The following IER5L variants were observed in gnomAD, a reference collection of about 807,000 sequenced individuals.
IER5L encodes the protein immediate early response 5 like, also known as immediate early response gene 5-like protein.
IER5L carries 6 observed loss-of-function variants against 28.3 expected under a neutral mutation model. The observed-to-expected ratio is 0.21, with a 90% confidence interval of 0.12 to 0.42. IER5L has a LOEUF of 0.42. Ranked by LOEUF, IER5L falls within the 10% of genes least tolerant of loss-of-function variation. IER5L has a pLI of 1.00. For synonymous variants in IER5L, 351 were observed against 282.5 expected (o/e 1.24, Z -2.43); for missense variants, 607 against 575.2 (o/e 1.06, Z -0.56).
rs1281241351 is a variant in IER5L, at chr9:129,177,936, C to G, written c.117G>C (p.Val39=). 1.3e-6 allele frequency: 2 copies of G among 1,576,108 alleles called. No homozygotes were observed. The highest frequency in any genetic ancestry group is 1.4e-5 in the African/African-American group (1 of 73,344). ...KLHKNLLVSY[V]LRNARQLYLS... ...GGTAGAGCTGGCGCGCGTTGCGGAG[C>G]ACGTAGGACACCAGGAGGTTCTTGT... Residue 39 remains valine, a synonymous_variant, in exon 1 of 1, where the codon GTG becomes GTC. Coordinates refer to ENST00000372491, the MANE Select transcript of IER5L (RefSeq NM_203434.3).
Position 129,177,558 on chromosome 9 carries a change from C to A in IER5L, c.495G>T (p.Pro165=), listed in dbSNP as rs1048135292. The change falls in exon 1 of 1, where the codon CCG becomes CCT. Residue 165 remains proline, a synonymous_variant. Transcript: ENST00000372491. Reference sequence around the variant, plus strand: ...GCTGCCCGCGGTGGGGCGCGCCGTGCGGCGGCTGGAGCGCGGCGCACCCGG... The same window carrying A: ...GCTGCCCGCGGTGGGGCGCGCCGTGAGGCGGCTGGAGCGCGGCGCACCCGG... ...ELPGCAALQP[P]HGAPHRGQPL... The A allele has an allele frequency of 7.2e-6, 7 of 976,372 alleles. No homozygotes were observed. Among genetic ancestry groups the A allele is most frequent in the Non-Finnish European group, 8.5e-6 (7 of 827,396 alleles). 60.5% of individuals were successfully genotyped at this position (976,372 alleles called of 1,614,324 possible).
chr9:129,178,231 G>C lies in IER5L; in HGVS notation c.-179C>G. On this transcript the variant is annotated 5_prime_UTR_variant, in exon 1 of 1. Coordinates refer to ENST00000372491, the MANE Select transcript of IER5L (RefSeq NM_203434.3). Reference sequence around the variant, plus strand: ...TGCGCCGCGCGCCACCCGCGGGCTCGCGCTCCCCAGACGGCGCCAAAGCAA... The same window carrying C: ...TGCGCCGCGCGCCACCCGCGGGCTCCCGCTCCCCAGACGGCGCCAAAGCAA... The C allele has an allele frequency of 6.3e-6, 3 of 478,328 alleles. No homozygotes were observed. Among genetic ancestry groups the C allele is most frequent in the South Asian group, 5.7e-5 (1 of 17,684 alleles). 29.6% of individuals were successfully genotyped at this position (478,328 alleles called of 1,614,324 possible).
In IER5L at chr9:129,178,067, G is replaced by A; in HGVS notation, c.-15C>T. 7.1e-7 allele frequency: 1 copy of A among 1,400,812 alleles called. No individual in the cohort carries two copies. Among genetic ancestry groups the A allele is most frequent in the Non-Finnish European group, 9.3e-7 (1 of 1,076,258 alleles). The allele number at this position is 1,400,812 out of a possible 1,614,324, so 86.8% of individuals were successfully genotyped here. The stretch of plus-strand genomic sequence containing the variant: ...GCGCACTCCATGCTCCCGCGGAGAC[G>A]GCGGCGGAGCAGCCGCCGCCGCTGC... On this transcript the variant is annotated 5_prime_UTR_variant, in exon 1 of 1. Transcript: ENST00000372491.
At position 129,178,010 on chromosome 9, in the gene IER5L, G is replaced by T; in HGVS notation, c.43C>A (p.Leu15Met). The T allele has an allele frequency of 6.4e-7, 1 of 1,566,502 alleles. No homozygotes were observed. The highest frequency in any genetic ancestry group is 8.6e-7 in the Non-Finnish European group (1 of 1,157,728). The change falls in exon 1 of 1, where the codon CTG (leucine) becomes ATG (methionine). Residue 15 changes from leucine (L) to methionine (M), a missense_variant. Transcript: ENST00000372491. ...LDAQSLISIS[L>M]RKIHSSRTQR... Reference sequence around the variant, plus strand: ...GTTCGGGAGCTGTGGATCTTGCGCAGGGAGATGCTGATCAGGCTCTGGGCG... The same window carrying T: ...GTTCGGGAGCTGTGGATCTTGCGCATGGAGATGCTGATCAGGCTCTGGGCG...
At position 129,176,689 on chromosome 9, in the gene IER5L, T is replaced by G; in HGVS notation, c.*149A>C. 1 of 1,030,290 alleles carries G rather than the reference T, an allele frequency of 9.7e-7. No individual in the cohort carries two copies. Among genetic ancestry groups the G allele is most frequent in the Non-Finnish European group, 1.3e-6 (1 of 773,612 alleles). 63.8% of individuals were successfully genotyped at this position (1,030,290 alleles called of 1,614,324 possible). A position where few individuals can be genotyped will look rare whatever the true frequency, so the allele number is the denominator to read the frequency against. Reference sequence around the variant, plus strand: ...ATTTCTTTTTTTTTTATTTTACAATTTATAAAACATCAGCCGCCTGCCCCC... The same window carrying G: ...ATTTCTTTTTTTTTTATTTTACAATGTATAAAACATCAGCCGCCTGCCCCC... On this transcript the variant is annotated 3_prime_UTR_variant, in exon 1 of 1. Coordinates refer to ENST00000372491, the MANE Select transcript of IER5L (RefSeq NM_203434.3).
chr9:129,177,339 G>C lies in IER5L; in HGVS notation c.714C>G (p.Gly238=), dbSNP rs201595944. The C allele has an allele frequency of 8.8e-5, 116 of 1,311,464 alleles. 1 individual carries two copies. The South Asian group carries it at 2.6e-3, about 30-fold the overall frequency. The allele number at this position is 1,311,464 out of a possible 1,614,324, so 81.2% of individuals were successfully genotyped here. The change falls in exon 1 of 1, where the codon GGC becomes GGG. Residue 238 remains glycine, a synonymous_variant. Transcript: ENST00000372491. ...APASSPGFYR[G]AYPTPSDFGL... ...CGAAGTCCGAAGGGGTAGGGTATGCGCCCCGGTAGAAGCCGGGGGAGGAGG... is the reference window on the plus strand; with the variant it reads ...CGAAGTCCGAAGGGGTAGGGTATGCCCCCCGGTAGAAGCCGGGGGAGGAGG...
rs920760668 is a variant in IER5L at position 129,175,996 on chromosome 9, A to C, written c.*842T>G. 2.0e-5 allele frequency: 3 copies of C among 152,064 alleles called. No individual in the cohort carries two copies. Among genetic ancestry groups the C allele is most frequent in the African/African-American group, 7.2e-5 (3 of 41,392 alleles). The allele number at this position is 152,064 out of a possible 1,614,324, so 9.4% of individuals were successfully genotyped here. A position where few individuals can be genotyped will look rare whatever the true frequency, so the allele number is the denominator to read the frequency against. ...GCCGGGGATCCAGGTGAAGGAATTG[A>C]CTTCCTTTTTTGTTTAGTGAGGACC... On this transcript the variant is annotated 3_prime_UTR_variant, in exon 1 of 1. Transcript: ENST00000372491. The surrounding 1 kb of genome is among the most constrained non-coding windows in gnomAD (Gnocchi z 5.2).
rs1442366439 is a variant in IER5L, at chr9:129,177,677, G to C, written c.376C>G (p.Leu126Val). The change falls in exon 1 of 1, where the codon CTG becomes GTG. Residue 126 changes from leucine to valine, a missense_variant. Leu to Val is a conservative substitution (Grantham distance 32). Transcript: ENST00000372491. ...GGCGCCGGGTGCTGGTGCTGGTGCA[G>C]CTGCTGCTGGAGGTGCAGCTGGTGG... ...QLHQLHLQQQ[L>V]HQHQHPAPRG... 13 of 1,402,802 alleles carry C rather than the reference G, an allele frequency of 9.3e-6. No individual in the cohort carries two copies. Among genetic ancestry groups the C allele is most frequent in the Admixed American group, 2.8e-5 (1 of 36,088 alleles). 86.9% of individuals were successfully genotyped at this position (1,402,802 alleles called of 1,614,324 possible).
Position 129,175,743 on chromosome 9 carries a change from C to CCA in IER5L, c.*1093_*1094dup, listed in dbSNP as rs1421191954. 18 of 151,898 alleles carry CCA rather than the reference C, an allele frequency of 1.2e-4. No individual in the cohort carries two copies. The highest frequency in any genetic ancestry group is 4.3e-4 in the African/African-American group (18 of 41,454). 9.4% of individuals were successfully genotyped at this position (151,898 alleles called of 1,614,324 possible). A position where few individuals can be genotyped will look rare whatever the true frequency, so the allele number is the denominator to read the frequency against. ...GAACCAGAGGGGCTGCAGACGAACCCCACCTTTTTACAACAAAAGGCTTTT... is the reference window on the plus strand; with the variant it reads ...GAACCAGAGGGGCTGCAGACGAACCCCACACCTTTTTACAACAAAAGGCTTTT... On this transcript the variant is annotated 3_prime_UTR_variant, in exon 1 of 1. Coordinates refer to ENST00000372491, the MANE Select transcript of IER5L (RefSeq NM_203434.3). This position sits in a 1 kb window ranked among gnomAD's most constrained non-coding sequence, Gnocchi z 5.2.
At position 129,178,253 on chromosome 9, in the gene IER5L, G is replaced by A. The variant is rs936173492; in HGVS notation, c.-201C>T. 6.9e-6 allele frequency: 3 copies of A among 436,188 alleles called. No homozygotes were observed. The highest frequency in any genetic ancestry group is 7.2e-5 in the East Asian group (2 of 27,738). The allele number at this position is 436,188 out of a possible 1,614,324, so 27.0% of individuals were successfully genotyped here. ...CTCGCGCTCCCCAGACGGCGCCAAA[G>A]CAATGAGTCTCGGCCGGCCCCGGCC... is the stretch of plus-strand genomic sequence containing the variant. On this transcript the variant is annotated 5_prime_UTR_variant, in exon 1 of 1. Transcript: ENST00000372491.
At position 129,177,794 on chromosome 9, in the gene IER5L, C is replaced by A. The variant is rs769146242; in HGVS notation, c.259G>T (p.Ala87Ser). 5 of 1,494,556 alleles carry A rather than the reference C, an allele frequency of 3.3e-6. No individual in the cohort carries two copies. Among genetic ancestry groups the A allele is most frequent in the Middle Eastern group, 4.7e-4 (2 of 4,238 alleles). 92.6% of individuals were successfully genotyped at this position (1,494,556 alleles called of 1,614,324 possible). A position where few individuals can be genotyped will look rare whatever the true frequency, so the allele number is the denominator to read the frequency against. The part of the protein sequence containing the change: ...YAAPGMPASA[A>S]DFGPLQLGGG... ...CCAAGTTGGAGCGGGCCGAAGTCGG[C>A]CGCGCTGGCCGGCATGCCCGGCGCC... is the stretch of plus-strand genomic sequence containing the variant. Residue 87 changes from alanine (A) to serine (S), a missense_variant, in exon 1 of 1, where the codon GCC becomes TCC. Transcript: ENST00000372491.
chr9:129,176,262 G>C lies in IER5L; in HGVS notation c.*576C>G, dbSNP rs950358422. The C allele has an allele frequency of 1.3e-5, 2 of 152,184 alleles. No individual in the cohort carries two copies. Among genetic ancestry groups the C allele is most frequent in the Non-Finnish European group, 2.9e-5 (2 of 68,020 alleles). 9.4% of individuals were successfully genotyped at this position (152,184 alleles called of 1,614,324 possible). A position where few individuals can be genotyped will look rare whatever the true frequency, so the allele number is the denominator to read the frequency against. On this transcript the variant is annotated 3_prime_UTR_variant, in exon 1 of 1. Transcript: ENST00000372491. ...GCCTTCTCATTTTGAGAACTTTGGA[G>C]TCCGCCCCCAGAGAGGAAATGTGAC...
chr9:129,176,807 G>A lies in IER5L; in HGVS notation c.*31C>T. Reference sequence around the variant, plus strand: ...GTCTTTGTCTGGCCCCAGCCCCGCGGGGCCCCGGGTCCCTGTGCCCTCGGG... The same window carrying A: ...GTCTTTGTCTGGCCCCAGCCCCGCGAGGCCCCGGGTCCCTGTGCCCTCGGG... On this transcript the variant is annotated 3_prime_UTR_variant, in exon 1 of 1. Transcript: ENST00000372491. 1.3e-6 allele frequency: 2 copies of A among 1,505,058 alleles called. No homozygotes were observed. Among genetic ancestry groups the A allele is most frequent in the African/African-American group, 2.9e-5 (2 of 68,522 alleles). The allele number at this position is 1,505,058 out of a possible 1,614,324, so 93.2% of individuals were successfully genotyped here.
Position 129,177,036 on chromosome 9 carries a change from G to C in IER5L, c.1017C>G (p.Phe339Leu), listed in dbSNP as rs1280306017. The change falls in exon 1 of 1, where the codon TTC becomes TTG. Residue 339 changes from phenylalanine to leucine, a missense_variant. Coordinates refer to ENST00000372491, the MANE Select transcript of IER5L (RefSeq NM_203434.3). ...APFAPCKRAR[F>L]EDFCPDSSPD... The stretch of plus-strand genomic sequence containing the variant: ...GGGACGAGTCCGGGCAGAAGTCCTC[G>C]AAGCGGGCGCGCTTGCAGGGGGCGA... 1.3e-6 allele frequency: 2 copies of C among 1,563,856 alleles called. No homozygotes were observed. The highest frequency in any genetic ancestry group is 2.8e-5 in the African/African-American group (2 of 71,402).
rs759885187 is a variant in IER5L at position 129,177,193 on chromosome 9, T to C, written c.860A>G (p.Gln287Arg). 8 of 1,480,232 alleles carry C rather than the reference T, an allele frequency of 5.4e-6. No homozygotes were observed. Among genetic ancestry groups the C allele is most frequent in the Non-Finnish European group, 7.1e-6 (8 of 1,122,050 alleles). 91.7% of individuals were successfully genotyped at this position (1,480,232 alleles called of 1,614,324 possible). A position where few individuals can be genotyped will look rare whatever the true frequency, so the allele number is the denominator to read the frequency against. ...CASAHCPCCG[Q>R]GAPGPGLASA... ...CGCCAGGCCCGGTCCCGGAGCGCCC[T>C]GGCCACAGCAGGGGCAGTGGGCGGA... The change falls in exon 1 of 1, where the codon CAG (glutamine) becomes CGG (arginine). Residue 287 changes from glutamine (Q) to arginine (R), a missense_variant. By Grantham distance (43) the Gln-to-Arg change is conservative. Transcript: ENST00000372491.
rs1457011624 is a variant in IER5L at position 129,177,429 on chromosome 9, G to A, written c.624C>T (p.Cys208=). The part of the protein sequence containing the change: ...CPRDPRAPAA[C]SAPPGAAPPA... ...GAGGGGCGGCCCCTGGGGGCGCGGA[G>A]CAGGCGGCCGGGGCGCGAGGGTCCC... Residue 208 remains cysteine (C), a synonymous_variant, in exon 1 of 1, where the codon TGC becomes TGT. Coordinates refer to ENST00000372491, the MANE Select transcript of IER5L (RefSeq NM_203434.3). 3.3e-6 allele frequency: 4 copies of A among 1,208,912 alleles called. No individual in the cohort carries two copies. The highest frequency in any genetic ancestry group is 4.4e-5 in the Admixed American group (1 of 22,656). 74.9% of individuals were successfully genotyped at this position (1,208,912 alleles called of 1,614,324 possible). A position where few individuals can be genotyped will look rare whatever the true frequency, so the allele number is the denominator to read the frequency against.
rs1246857790 is a variant in IER5L, at chr9:129,177,453, C to T, written c.600G>A (p.Arg200=). The T allele has an allele frequency of 1.8e-6, 2 of 1,126,776 alleles. No individual in the cohort carries two copies. The highest frequency in any genetic ancestry group is 2.2e-6 in the Non-Finnish European group (2 of 921,878). The allele number at this position is 1,126,776 out of a possible 1,614,324, so 69.8% of individuals were successfully genotyped here. The change falls in exon 1 of 1, where the codon CGG becomes CGA. Residue 200 remains arginine, a synonymous_variant. Coordinates refer to ENST00000372491, the MANE Select transcript of IER5L (RefSeq NM_203434.3). ...AGCAGGCGGCCGGGGCGCGAGGGTC[C>T]CGCGGGCAGAGCGCAGCGGGCGCGG... ...PPPAPAALCP[R]DPRAPAACSA...
In IER5L at chr9:129,178,174, G is replaced by C; in HGVS notation, c.-122C>G. 1 of 821,530 alleles carries C rather than the reference G, an allele frequency of 1.2e-6. No individual in the cohort carries two copies. Among genetic ancestry groups the C allele is most frequent in the Non-Finnish European group, 1.7e-6 (1 of 599,384 alleles). 50.9% of individuals were successfully genotyped at this position (821,530 alleles called of 1,614,324 possible). A position where few individuals can be genotyped will look rare whatever the true frequency, so the allele number is the denominator to read the frequency against. On this transcript the variant is annotated 5_prime_UTR_variant, in exon 1 of 1. Coordinates refer to ENST00000372491, the MANE Select transcript of IER5L (RefSeq NM_203434.3). ...AGGGGTAACGGAGTCCGGGTCAGAG[G>C]TTCGGCTGCGCTCCGAAAGGAGCCG...
rs1328131720 is a variant in IER5L, at chr9:129,176,770, C to T, written c.*68G>A. On this transcript the variant is annotated 3_prime_UTR_variant, in exon 1 of 1. Coordinates refer to ENST00000372491, the MANE Select transcript of IER5L (RefSeq NM_203434.3). ...GGCGCCCGCTCGTTCCCTCCTCTCG[C>T]CCCTTTGCCGAGTCTTTGTCTGGCC... 7.1e-7 allele frequency: 1 copy of T among 1,410,974 alleles called. No individual in the cohort carries two copies. 87.4% of individuals were successfully genotyped at this position (1,410,974 alleles called of 1,614,324 possible).
Sources: gnomAD v4.1 joint callset for allele counts on GRCh38, gnomAD v4.1.1 for gene constraint, Gnocchi (gnomAD v3.1) non-coding constraint, MANE v1.5 for transcripts, NCBI Gene and HGNC (gene_info 2026-07-23, HGNC 2026-07-21) for gene names.